Variants in DUSP7 observed in about 807,000 individuals in gnomAD.
The protein encoded by DUSP7 is dual specificity protein phosphatase 7.
DUSP7 carries 7 observed loss-of-function variants against 29.8 expected under a neutral mutation model. That is an observed-to-expected ratio of 0.24 (90% confidence interval 0.13 to 0.44). DUSP7 has a LOEUF of 0.44. Ranked by LOEUF, DUSP7 falls within the 20% of genes least tolerant of loss-of-function variation. DUSP7 has a pLI of 1.00. For synonymous variants in DUSP7, 287 were observed against 275.4 expected (o/e 1.04, Z -0.42); for missense variants, 400 against 583.7 (o/e 0.69, Z 3.24).
chr3:52,050,958 T>TG lies in DUSP7; in HGVS notation c.1116dup (p.Asn373GlnfsTer10). ...AAGTCCAGCAGCTGCCCCATGAAGT[T>TG]GAAGTTGGGCGAGATGTTGGACTTT... On this transcript the variant is annotated frameshift_variant, in exon 3 of 3. Coordinates refer to ENST00000495880, the MANE Select transcript of DUSP7 (RefSeq NM_001947.4). LOFTEE classifies it high-confidence loss of function. This position sits in a 1 kb window ranked among gnomAD's most constrained non-coding sequence, Gnocchi z 5.0. 1 of 1,614,252 alleles carries TG rather than the reference T, an allele frequency of 6.2e-7. No individual in the cohort carries two copies. The highest frequency in any genetic ancestry group is 8.5e-7 in the Non-Finnish European group (1 of 1,180,040).
chr3:52,055,917 G>C lies in DUSP7; in HGVS notation c.450C>G (p.Pro150=), dbSNP rs750795577. ...GTAGGAGCAGGCCGAGCACGGAGGC[G>C]GGAGCGCCGGGCTCGGGCTGCCACT... is the stretch of plus-strand genomic sequence containing the variant. ...TAEWQPEPGA[P]ASVLGLLLQK... is the part of the protein sequence containing the mutation. Residue 150 remains proline, a synonymous_variant, in exon 1 of 3, where the codon CCC becomes CCG. Coordinates refer to ENST00000495880, the MANE Select transcript of DUSP7 (RefSeq NM_001947.4). 10 of 1,547,990 alleles carry C rather than the reference G, an allele frequency of 6.5e-6. No individual in the cohort carries two copies. Among genetic ancestry groups the C allele is most frequent in the East Asian group, 2.4e-5 (1 of 41,244 alleles).
Position 52,054,289 on chromosome 3 carries a change from G to A in DUSP7, c.603C>T (p.Pro201=). The A allele has an allele frequency of 3.8e-6, 6 of 1,599,026 alleles. No homozygotes were observed. The highest frequency in any genetic ancestry group is 5.1e-6 in the Non-Finnish European group (6 of 1,171,212). The change falls in exon 2 of 3, where the codon CCC becomes CCT. Residue 201 remains proline, a synonymous_variant. Coordinates refer to ENST00000495880, the MANE Select transcript of DUSP7 (RefSeq NM_001947.4). The surrounding 1 kb of genome is among the most constrained non-coding windows in gnomAD (Gnocchi z 4.1). ...GGCCCCCCAGGCCCAGCACTGAGGT[G>A]GGTGGCGAGCTGCTCGGCGAGGAAG... is the stretch of plus-strand genomic sequence containing the variant. The part of the protein sequence containing the change: ...DSSSSPSSSP[P]TSVLGLGGLR...
At position 52,053,753 on chromosome 3, in the gene DUSP7, T is replaced by G; in HGVS notation, c.952+187A>C. On this transcript the variant is annotated intron_variant, in intron 2 of 2. Transcript: ENST00000495880. The surrounding 1 kb of genome is among the most constrained non-coding windows in gnomAD (Gnocchi z 4.6). ...AGGAGACTGCTCAGGCCCCAACAGG[T>G]AGAGGGGCCCAAGGGACTCGGTGAC... The G allele has an allele frequency of 3.1e-6, 2 of 640,232 alleles. No homozygotes were observed. The highest frequency in any genetic ancestry group is 1.9e-5 in the South Asian group (1 of 52,556). 39.7% of individuals were successfully genotyped at this position (640,232 alleles called of 1,614,324 possible).
At position 52,056,407 on chromosome 3, in the gene DUSP7, G is replaced by A; in HGVS notation, c.-41C>T. The A allele has an allele frequency of 2.0e-6, 2 of 985,754 alleles. No homozygotes were observed. The highest frequency in any genetic ancestry group is 2.4e-6 in the Non-Finnish European group (2 of 826,560). 61.1% of individuals were successfully genotyped at this position (985,754 alleles called of 1,614,324 possible). ...CCCGGGGCCGGGGCCGGGCAGCCCT[G>A]CCCTGGGACGGCGCCCCGGCCGCGC... On this transcript the variant is annotated 5_prime_UTR_variant, in exon 1 of 3. Transcript: ENST00000495880. This position sits in a 1 kb window ranked among gnomAD's most constrained non-coding sequence, Gnocchi z 6.4.
chr3:52,053,844 C>A lies in DUSP7; in HGVS notation c.952+96G>T. ...CACGTAGGGCACACACAGGTCTCAA[C>A]AGGCCCAGAGGTACCCAGTCAGGCG... is the stretch of plus-strand genomic sequence containing the variant. On this transcript the variant is annotated intron_variant, in intron 2 of 2. Coordinates refer to ENST00000495880, the MANE Select transcript of DUSP7 (RefSeq NM_001947.4). The surrounding 1 kb of genome is among the most constrained non-coding windows in gnomAD (Gnocchi z 4.6). 1 of 1,400,414 alleles carries A rather than the reference C, an allele frequency of 7.1e-7. No individual in the cohort carries two copies. The highest frequency in any genetic ancestry group is 1.0e-6 in the Non-Finnish European group (1 of 1,001,278). The allele number at this position is 1,400,414 out of a possible 1,614,324, so 86.7% of individuals were successfully genotyped here. A position where few individuals can be genotyped will look rare whatever the true frequency, so the allele number is the denominator to read the frequency against.
chr3:52,054,322 C>G lies in DUSP7; in HGVS notation c.570G>C (p.Val190=). Residue 190 remains valine (V), a synonymous_variant, in exon 2 of 3, where the codon GTG becomes GTC. Coordinates refer to ENST00000495880, the MANE Select transcript of DUSP7 (RefSeq NM_001947.4). The surrounding 1 kb of genome is among the most constrained non-coding windows in gnomAD (Gnocchi z 4.1). The stretch of plus-strand genomic sequence containing the variant: ...AGCTGCTCGGCGAGGAAGAGCTGTC[C>G]ACGTTGGTCTCGCAGTGCTCAGAGT... ...TEYSEHCETN[V]DSSSSPSSSP... 6.4e-7 allele frequency: 1 copy of G among 1,571,128 alleles called. No homozygotes were observed.
Position 52,049,279 on chromosome 3 carries a change from C to G in DUSP7, c.*1536G>C, listed in dbSNP as rs1290837321. The G allele has an allele frequency of 6.6e-6, 1 of 152,256 alleles. No homozygotes were observed. Among genetic ancestry groups the G allele is most frequent in the African/African-American group, 2.4e-5 (1 of 41,460 alleles). 9.4% of individuals were successfully genotyped at this position (152,256 alleles called of 1,614,324 possible). A position where few individuals can be genotyped will look rare whatever the true frequency, so the allele number is the denominator to read the frequency against. On this transcript the variant is annotated 3_prime_UTR_variant, in exon 3 of 3. Transcript: ENST00000495880. ...CAGAGTTTTTCTGTGGCCTCACTCACATGCTGAGTGCTGCTCCGTCAGGGA... is the reference window on the plus strand; with the variant it reads ...CAGAGTTTTTCTGTGGCCTCACTCAGATGCTGAGTGCTGCTCCGTCAGGGA...
rs1202759798 is a variant in DUSP7, at chr3:52,051,286, G to A, written c.953-164C>T. On this transcript the variant is annotated intron_variant, in intron 2 of 2. Transcript: ENST00000495880. The surrounding 1 kb of genome is among the most constrained non-coding windows in gnomAD (Gnocchi z 4.8). ...CCAGTGTGGGTAGGGCAGCAACTTG[G>A]AATAGAGGTCAACAGCACTGCTGTG... Among the ~76,000 whole-genome samples the A allele has an allele frequency of 6.6e-6, 1 of 152,208 alleles. No homozygotes were observed. Among genetic ancestry groups the A allele is most frequent in the East Asian group, 1.9e-4 (1 of 5,200 alleles).
rs1410908349 is a variant in DUSP7, at chr3:52,049,885, G to T, written c.*930C>A. The T allele has an allele frequency of 6.6e-6, 1 of 152,274 alleles. No individual in the cohort carries two copies. The highest frequency in any genetic ancestry group is 1.5e-5 in the Non-Finnish European group (1 of 68,074). The allele number at this position is 152,274 out of a possible 1,614,324, so 9.4% of individuals were successfully genotyped here. A position where few individuals can be genotyped will look rare whatever the true frequency, so the allele number is the denominator to read the frequency against. On this transcript the variant is annotated 3_prime_UTR_variant, in exon 3 of 3. Coordinates refer to ENST00000495880, the MANE Select transcript of DUSP7 (RefSeq NM_001947.4). ...CTGACCCCAGAGGGCTAATGCTACT[G>T]CCTGGCAGCCCCCTGCGGCCCACCT...
rs76015595 is a variant in DUSP7 at position 52,049,778 on chromosome 3, G to A, written c.*1037C>T. 2 of 152,128 alleles carry A rather than the reference G, an allele frequency of 1.3e-5. No homozygotes were observed. The highest frequency in any genetic ancestry group is 2.9e-5 in the Non-Finnish European group (2 of 68,026). The allele number at this position is 152,128 out of a possible 1,614,324, so 9.4% of individuals were successfully genotyped here. On this transcript the variant is annotated 3_prime_UTR_variant, in exon 3 of 3. Coordinates refer to ENST00000495880, the MANE Select transcript of DUSP7 (RefSeq NM_001947.4). The stretch of plus-strand genomic sequence containing the variant: ...GGAGAGAGAGAAAGAGAGAGAGGGA[G>A]AGGAAGAGAGAGAGACAGACAGACA...
In DUSP7 at chr3:52,051,246, G is replaced by A. The variant is rs1392084091; in HGVS notation, c.953-124C>T. 8.8e-7 allele frequency: 1 copy of A among 1,138,648 alleles called. No individual in the cohort carries two copies. The highest frequency in any genetic ancestry group is 1.2e-6 in the Non-Finnish European group (1 of 818,832). The allele number at this position is 1,138,648 out of a possible 1,614,324, so 70.5% of individuals were successfully genotyped here. A position where few individuals can be genotyped will look rare whatever the true frequency, so the allele number is the denominator to read the frequency against. The stretch of plus-strand genomic sequence containing the variant: ...CTGGCTGGTCTTGCCCGACCCCTGA[G>A]GGACCTGGCCAAGCCCAGTGTGGGT... On this transcript the variant is annotated intron_variant, in intron 2 of 2. Coordinates refer to ENST00000495880, the MANE Select transcript of DUSP7 (RefSeq NM_001947.4). This position sits in a 1 kb window ranked among gnomAD's most constrained non-coding sequence, Gnocchi z 4.8.
Position 52,051,028 on chromosome 3 carries a change from C to G in DUSP7, c.1047G>C (p.Lys349Asn). The G allele has an allele frequency of 1.9e-6, 3 of 1,614,262 alleles. No homozygotes were observed. Among genetic ancestry groups the G allele is most frequent in the Non-Finnish European group, 2.5e-6 (3 of 1,180,056 alleles). The change falls in exon 3 of 3, where the codon AAG becomes AAC. Residue 349 changes from lysine (K) to asparagine (N), a missense_variant. Around this residue, in one of 4 missense-constraint regions of DUSP7, gnomAD observed 75 missense variants for 95.0 expected, o/e 0.79. Coordinates refer to ENST00000495880, the MANE Select transcript of DUSP7 (RefSeq NM_001947.4). The surrounding 1 kb of genome is among the most constrained non-coding windows in gnomAD (Gnocchi z 4.8). ...VTVTVAYLMQ[K>N]MNLSLNDAYD... ...AGGCGTCGTTGAGTGACAGGTTCATCTTCTGCATCAGATAGGCCACAGTGA... is the reference window on the plus strand; with the variant it reads ...AGGCGTCGTTGAGTGACAGGTTCATGTTCTGCATCAGATAGGCCACAGTGA...
rs1282984058 is a variant in DUSP7, at chr3:52,049,413, C to G, written c.*1402G>C. 1 of 152,368 alleles carries G rather than the reference C, an allele frequency of 6.6e-6. No individual in the cohort carries two copies. Among genetic ancestry groups the G allele is most frequent in the Non-Finnish European group, 1.5e-5 (1 of 68,140 alleles). The allele number at this position is 152,368 out of a possible 1,614,324, so 9.4% of individuals were successfully genotyped here. The stretch of plus-strand genomic sequence containing the variant: ...TGGAGGAAGATAACGGAATCCGTGG[C>G]TTCGTTCTGTGGAGGCAGGGGGAAG... On this transcript the variant is annotated 3_prime_UTR_variant, in exon 3 of 3. Transcript: ENST00000495880.
At chr3:52,052,093 C>T (rs537655607) in intron 2 of DUSP7, 1 of 152,376 alleles carries the variant, frequency 6.6e-6, no homozygotes, top group South Asian at 2.1e-4. Flanking sequence ...GGCCGAGCTA[C>T]TGAACAACTC....
At chr3:52,052,344 C>G (rs2106891780) in intron 2 of DUSP7, 1 of 152,462 alleles carries the variant, frequency 6.6e-6, no homozygotes, top group Non-Finnish European at 1.5e-5. Context: ...CTCTCCCATC[C>G]CCTCCCAACC....
rs1394342912 is a variant in DUSP7, at chr3:52,053,693, A to G, written c.952+247T>C. 2 of 559,092 alleles carry G rather than the reference A, an allele frequency of 3.6e-6. No homozygotes were observed. The highest frequency in any genetic ancestry group is 3.0e-5 in the East Asian group (1 of 32,930). The allele number at this position is 559,092 out of a possible 1,614,324, so 34.6% of individuals were successfully genotyped here. A position where few individuals can be genotyped will look rare whatever the true frequency, so the allele number is the denominator to read the frequency against. ...ACACAAGCTGGACAGCAGAGAGCCC[A>G]TGACGTGCTGTCAGCTAGGGGGAGC... is the stretch of plus-strand genomic sequence containing the variant. On this transcript the variant is annotated intron_variant, in intron 2 of 2. Transcript: ENST00000495880. This position sits in a 1 kb window ranked among gnomAD's most constrained non-coding sequence, Gnocchi z 4.6.
In DUSP7 at chr3:52,050,157, G is replaced by A. The variant is rs1214998068; in HGVS notation, c.*658C>T. The stretch of plus-strand genomic sequence containing the variant: ...TAAGCCACCCCTTCAAGAAGGGCCC[G>A]CTGAGGAAACAGAGGCTTCACACAT... On this transcript the variant is annotated 3_prime_UTR_variant, in exon 3 of 3. Transcript: ENST00000495880. This position sits in a 1 kb window ranked among gnomAD's most constrained non-coding sequence, Gnocchi z 5.0. The A allele has an allele frequency of 6.6e-6, 1 of 152,082 alleles. No individual in the cohort carries two copies. The highest frequency in any genetic ancestry group is 1.5e-5 in the Non-Finnish European group (1 of 68,044). 9.4% of individuals were successfully genotyped at this position (152,082 alleles called of 1,614,324 possible).
chr3:52,053,352 C>G lies in DUSP7; in HGVS notation c.952+588G>C, dbSNP rs1371680211. The stretch of plus-strand genomic sequence containing the variant: ...ACACACTGCTCTGGGGAAGGCCTTT[C>G]TCCACTCCCCCACCTTCTCTTGCAC... On this transcript the variant is annotated intron_variant, in intron 2 of 2. Coordinates refer to ENST00000495880, the MANE Select transcript of DUSP7 (RefSeq NM_001947.4). The surrounding 1 kb of genome is among the most constrained non-coding windows in gnomAD (Gnocchi z 4.6). 1 of 162,104 alleles carries G rather than the reference C, an allele frequency of 6.2e-6. No homozygotes were observed. Among genetic ancestry groups the G allele is most frequent in the East Asian group, 1.8e-4 (1 of 5,576 alleles). The allele number at this position is 162,104 out of a possible 1,614,324, so 10.0% of individuals were successfully genotyped here.
Position 52,049,845 on chromosome 3 carries a change from A to G in DUSP7, c.*970T>C, listed in dbSNP as rs1433545941. On this transcript the variant is annotated 3_prime_UTR_variant, in exon 3 of 3. Transcript: ENST00000495880. ...AAGTATATAAAAGGGCTCAGAGCCC[A>G]GGCCTTCTTAGGGGCTGACCCCAGA... 7 of 152,246 alleles carry G rather than the reference A, an allele frequency of 4.6e-5. No individual in the cohort carries two copies. The highest frequency in any genetic ancestry group is 2.0e-4 in the Admixed American group (3 of 15,288). The allele number at this position is 152,246 out of a possible 1,614,324, so 9.4% of individuals were successfully genotyped here. A position where few individuals can be genotyped will look rare whatever the true frequency, so the allele number is the denominator to read the frequency against.
Sources: gnomAD v4.1 joint callset for allele counts (sites outside exome capture counted in the v4.1 genomes callset) on GRCh38, gnomAD v4.1.1 for gene constraint, gnomAD v4.1.1 regional missense constraint, Gnocchi (gnomAD v3.1) non-coding constraint, MANE v1.5 for transcripts, NCBI Gene and HGNC (gene_info 2026-07-23, HGNC 2026-07-21) for gene names.